Variants in CDC42EP3 observed in about 807,000 individuals in gnomAD.
CDC42EP3 encodes CDC42 effector protein (Rho GTPase binding) 3.
In CDC42EP3, 4 loss-of-function variants were observed where a neutral mutation model predicts 15.5. The observed-to-expected ratio is 0.26, with a 90% CI of 0.13 to 0.59. The LOEUF is 0.59. Among genes scored for constraint, CDC42EP3 ranks in the 20% least tolerant of loss-of-function variants. The pLI, the probability that CDC42EP3 is intolerant of heterozygous loss-of-function variation, is 0.89. For missense variants in CDC42EP3, 309 were observed against 311.2 expected (o/e 0.99, Z 0.05); for synonymous variants, 145 against 130.3 (o/e 1.11, Z -0.77).
rs78545677 is a variant in CDC42EP3 at position 37,656,997 on chromosome 2, G to GC, written c.-235-10176dup. ...TAACAAAGCCCCCCCCCCACCCCCCGCCCCCCGCCATCCTCGAGGAGAAAA... is the reference window on the plus strand; with the variant it reads ...TAACAAAGCCCCCCCCCCACCCCCCGCCCCCCCGCCATCCTCGAGGAGAAAA... On this transcript the variant is annotated intron_variant, in intron 1 of 1. Coordinates refer to ENST00000295324, the MANE Select transcript of CDC42EP3 (RefSeq NM_006449.5). 4.1e-4 allele frequency among the ~76,000 whole-genome samples: 16 copies of GC among 38,726 alleles called. 2 individuals carry two copies. Among genetic ancestry groups the GC allele is most frequent in the East Asian group, 1.1e-3 (1 of 888 alleles). The allele number at this position is 38,726 out of a possible 152,430, so 25.4% of individuals were successfully genotyped here. A position where few individuals can be genotyped will look rare whatever the true frequency, so the allele number is the denominator to read the frequency against.
In CDC42EP3 at chr2:37,642,797, G is replaced by T. The variant is rs546739196; in HGVS notation, c.*3026C>A. 1 of 152,244 alleles carries T rather than the reference G, an allele frequency of 6.6e-6. No individual in the cohort carries two copies. The highest frequency in any genetic ancestry group is 2.1e-4 in the South Asian group (1 of 4,816). The allele number at this position is 152,244 out of a possible 1,614,324, so 9.4% of individuals were successfully genotyped here. ...CAGGTCACTTGCAGTAATATAGAAG[G>T]ACTAAACTGTGATTCTGGAGACCCG... On this transcript the variant is annotated 3_prime_UTR_variant, in exon 2 of 2. Coordinates refer to ENST00000295324, the MANE Select transcript of CDC42EP3 (RefSeq NM_006449.5).
chr2:37,656,036 A>G (rs534382074), intron 1 of CDC42EP3, among the ~76,000 whole-genome samples: 1 of 152,342 alleles, frequency 6.6e-6, no homozygotes, highest in East Asian at 1.9e-4. Context: ...ATTTGCCTTT[A>G]GGCCACATTC....
At chr2:37,662,666 C>G (rs1271444929) in intron 1 of CDC42EP3, among the ~76,000 whole-genome samples, 5 of 152,168 alleles carry the variant, frequency 3.3e-5, no homozygotes, top group African/African-American at 9.7e-5. Context: ...CCAGGGTGAG[C>G]CCACAAGGAA....
chr2:37,671,668 A>T (rs1028905314), upstream of CDC42EP3: 7 of 150,486 alleles, frequency 4.7e-5, no homozygotes, highest in Admixed American at 2.0e-4. Context: ...GGACGCGAGG[A>T]CTGAACCTGC....
intron 1 of CDC42EP3, among the ~76,000 whole-genome samples, chr2:37,658,478 A>G (rs1665953846): frequency 6.6e-6 from 1 of 152,128 alleles, no homozygotes; most frequent in African/African-American, 2.4e-5. Flanking sequence ...AGAGTTTGAA[A>G]AGCATTGATT....
intron 1 of CDC42EP3, among the ~76,000 whole-genome samples, chr2:37,660,199 C>G (rs889469510): frequency 2.0e-4 from 31 of 152,236 alleles, no homozygotes; most frequent in African/African-American, 7.5e-4. Flanking sequence ...ATAAACACTT[C>G]TATTTTCTCC....
intron 1 of CDC42EP3, among the ~76,000 whole-genome samples, chr2:37,652,055 G>A (rs1213125706): frequency 6.6e-6 from 1 of 151,316 alleles, no homozygotes; most frequent in East Asian, 1.9e-4. Context: ...GGCGCCTGTA[G>A]TCCCAGCTAC....
rs1665300918 is a variant in CDC42EP3, at chr2:37,642,509, A to G, written c.*3314T>C. The G allele has an allele frequency of 6.6e-6, 1 of 152,206 alleles. No individual in the cohort carries two copies. The highest frequency in any genetic ancestry group is 6.5e-5 in the Admixed American group (1 of 15,286). The allele number at this position is 152,206 out of a possible 1,614,324, so 9.4% of individuals were successfully genotyped here. ...AATTCTAAAATCGGATTTTATGAGAATTGCTAGATTTGGGGCTAGGTTAAC... is the reference window on the plus strand; with the variant it reads ...AATTCTAAAATCGGATTTTATGAGAGTTGCTAGATTTGGGGCTAGGTTAAC... On this transcript the variant is annotated 3_prime_UTR_variant, in exon 2 of 2. Coordinates refer to ENST00000295324, the MANE Select transcript of CDC42EP3 (RefSeq NM_006449.5).
intron 1 of CDC42EP3, among the ~76,000 whole-genome samples, chr2:37,650,208 C>A (rs1665624742): frequency 6.6e-6 from 1 of 152,180 alleles, no homozygotes; most frequent in Non-Finnish European, 1.5e-5. Flanking sequence ...CCAGGAGAGT[C>A]AATCCAACGC....
chr2:37,660,129 A>C (rs1428907818), intron 1 of CDC42EP3, among the ~76,000 whole-genome samples: 1 of 152,240 alleles, frequency 6.6e-6, no homozygotes, highest in Non-Finnish European at 1.5e-5. Flanking sequence ...CTTTTCCCCA[A>C]ATGAGACCAG....
chr2:37,672,376 C>T (rs1444334525), upstream of CDC42EP3: 5 of 152,256 alleles, frequency 3.3e-5, no homozygotes, highest in Admixed American at 6.5e-5. Flanking sequence ...TTTCTTCTCC[C>T]TCAGGGTCTT....
At chr2:37,669,657 A>G (rs891272142) in intron 1 of CDC42EP3, among the ~76,000 whole-genome samples, 38 of 152,240 alleles carry the variant, frequency 2.5e-4, no homozygotes, top group African/African-American at 8.9e-4. Flanking sequence ...TTCATCATGT[A>G]AATCTCTAGC....
At chr2:37,669,595 T>C (rs1666344400) in intron 1 of CDC42EP3, among the ~76,000 whole-genome samples, 1 of 152,184 alleles carries the variant, frequency 6.6e-6, no homozygotes, top group Non-Finnish European at 1.5e-5. Flanking sequence ...CTCATCTCAT[T>C]TCAAGCCTGT....
chr2:37,648,055 T>C (rs911477248), intron 1 of CDC42EP3, among the ~76,000 whole-genome samples: 6 of 152,204 alleles, frequency 3.9e-5, no homozygotes, highest in African/African-American at 1.4e-4. Flanking sequence ...GTTACCAGTG[T>C]AGAAAGCAAC....
intron 1 of CDC42EP3, among the ~76,000 whole-genome samples, chr2:37,653,588 ATGAC>A (rs1351132690): frequency 6.6e-6 from 1 of 152,226 alleles, no homozygotes; most frequent in Admixed American, 6.5e-5. Flanking sequence ...GTTTTAAAAA[ATGAC>A]AGACAGAAAA....
At chr2:37,671,138 G>C (rs1392871484) in intron 1 of CDC42EP3, among the ~76,000 whole-genome samples, 4 of 152,244 alleles carry the variant, frequency 2.6e-5, no homozygotes, top group Admixed American at 2.0e-4. Context: ...GAATGGCTCT[G>C]CCAATAGCTC....
At chr2:37,649,059 A>AG (rs1418557581) in intron 1 of CDC42EP3, among the ~76,000 whole-genome samples, 2 of 150,382 alleles carry the variant, frequency 1.3e-5, no homozygotes, top group Admixed American at 6.6e-5. Context: ...GTCCCAGGGC[A>AG]GGGGGTTCCA....
intron 1 of CDC42EP3, among the ~76,000 whole-genome samples, chr2:37,649,691 CCCCAG>C (rs1324336996): frequency 6.6e-6 from 1 of 152,060 alleles, no homozygotes; most frequent in East Asian, 1.9e-4. Flanking sequence ...GCTCGTCAAG[CCCCAG>C]CCTTTGGTCA....
At chr2:37,668,301 A>G (rs1440024217) in intron 1 of CDC42EP3, among the ~76,000 whole-genome samples, 1 of 152,240 alleles carries the variant, frequency 6.6e-6, no homozygotes, top group African/African-American at 2.4e-5. Flanking sequence ...CAGAACCAGT[A>G]TTAAGTACCT....
Sources: allele counts gnomAD v4.1 joint callset (sites outside exome capture counted in the v4.1 genomes callset), GRCh38; gene constraint gnomAD v4.1.1; transcripts MANE v1.5; gene names NCBI Gene and HGNC (gene_info 2026-07-23, HGNC 2026-07-21).